The following LAMA2 variants were observed in gnomAD, a reference collection of about 807,000 sequenced individuals.
LAMA2 encodes laminin subunit alpha-2.
In LAMA2, 269 loss-of-function variants were observed where a neutral mutation model predicts 364.8. The observed-to-expected ratio is 0.74, with a 90% CI of 0.67 to 0.82. LAMA2 has a LOEUF of 0.82. Ranked by LOEUF, LAMA2 falls within the 40% of genes least tolerant of loss-of-function variation. The pLI is 0.00. For missense variants in LAMA2, 3,807 were observed against 3,873.2 expected (o/e 0.98, Z 0.45); for synonymous variants, 1,379 against 1,370.6 (o/e 1.01, Z -0.14).
At chr6:129,435,607 T>C (rs1781794667) in intron 41 of LAMA2, among the ~76,000 whole-genome samples, 1 of 152,160 alleles carries the variant, frequency 6.6e-6, no homozygotes, top group South Asian at 2.1e-4. Flanking sequence ...ATTTTATGCT[T>C]TGTTTTTCAG....
chr6:129,317,208 C>T (rs1583480373), intron 27 of LAMA2, among the ~76,000 whole-genome samples: 1 of 152,082 alleles, frequency 6.6e-6, no homozygotes, highest in East Asian at 1.9e-4. Flanking sequence ...GAAAGTTGAA[C>T]TGAGTTCATA....
At chr6:129,454,352 A>G (rs1190893897) in intron 47 of LAMA2, 64 bp downstream of exon 47, 4 of 1,309,802 alleles carry the variant, frequency 3.1e-6, no homozygotes, top group Non-Finnish European at 4.4e-6. Flanking sequence ...TTCCCAGTTT[A>G]TAAGAAAACT....
At chr6:129,294,410 G>C (rs75706344) in intron 20 of LAMA2, among the ~76,000 whole-genome samples, 11 of 152,172 alleles carry the variant, frequency 7.2e-5, no homozygotes, top group Non-Finnish European at 1.2e-4. Context: ...CAAGATCCAG[G>C]TGCTGGCAGA....
chr6:128,985,632 C>T (rs1415779989), intron 1 of LAMA2, among the ~76,000 whole-genome samples: 1 of 152,058 alleles, frequency 6.6e-6, no homozygotes, highest in Middle Eastern at 3.4e-3. Flanking sequence ...TATAAGGAAC[C>T]CTCAAGTACA....
intron 32 of LAMA2, among the ~76,000 whole-genome samples, chr6:129,362,641 C>T (rs977695629): frequency 1.3e-5 from 2 of 152,112 alleles, no homozygotes; most frequent in African/African-American, 2.4e-5. Context: ...GTTTAAGGTC[C>T]CTTCTTTAAC....
intron 17 of LAMA2, among the ~76,000 whole-genome samples, chr6:129,278,319 A>G (rs1788469699): frequency 6.6e-6 from 1 of 152,224 alleles, no homozygotes; most frequent in Non-Finnish European, 1.5e-5. Flanking sequence ...TTTTCTTTCA[A>G]TCAGTGTAGT....
chr6:129,431,090 A>G (rs924793236), intron 41 of LAMA2, among the ~76,000 whole-genome samples: 1 of 152,112 alleles, frequency 6.6e-6, no homozygotes, highest in Admixed American at 6.6e-5. Context: ...TTATTTAATT[A>G]CTTAGAAAAA....
intron 1 of LAMA2, among the ~76,000 whole-genome samples, chr6:128,915,837 A>G (rs1778279873): frequency 2.0e-5 from 3 of 152,172 alleles, no homozygotes; most frequent in African/African-American, 4.8e-5. Context: ...GTATATTTGT[A>G]GTGAAAACAA....
chr6:129,110,284 A>G (rs1233612183), intron 4 of LAMA2, among the ~76,000 whole-genome samples: 1 of 152,082 alleles, frequency 6.6e-6, no homozygotes, highest in African/African-American at 2.4e-5. Flanking sequence ...GAAAAGAACT[A>G]TTAAATGAAC....
At chr6:129,209,991 G>T (rs1050007510) in intron 12 of LAMA2, among the ~76,000 whole-genome samples, 1 of 95,088 alleles carries the variant, frequency 1.1e-5, no homozygotes, top group Non-Finnish European at 2.0e-5. Context: ...GCGACAGAGC[G>T]AGACTCCATC....
intron 12 of LAMA2, among the ~76,000 whole-genome samples, chr6:129,236,580 T>TTTA (rs1314534710): frequency 2.0e-5 from 3 of 152,170 alleles, no homozygotes; most frequent in Admixed American, 6.5e-5. Flanking sequence ...GGCTGATATT[T>TTTA]TTATGAGTCA....
chr6:129,086,916 G>A (rs548322830), intron 3 of LAMA2, among the ~76,000 whole-genome samples: 2 of 152,216 alleles, frequency 1.3e-5, no homozygotes, highest in African/African-American at 4.8e-5. Flanking sequence ...GTTTCTACAG[G>A]CTACCTGCAT....
intron 18 of LAMA2, among the ~76,000 whole-genome samples, chr6:129,283,193 A>G (rs1316439968): frequency 2.0e-5 from 3 of 152,118 alleles, no homozygotes; most frequent in Non-Finnish European, 2.9e-5. Flanking sequence ...CTTTGCTAAG[A>G]TTCTAGACTT....
intron 4 of LAMA2, among the ~76,000 whole-genome samples, chr6:129,139,574 C>G (rs772842445): frequency 6.6e-6 from 1 of 152,100 alleles, no homozygotes; most frequent in Non-Finnish European, 1.5e-5. Context: ...TTGATATCCA[C>G]AGGAGGTCCT....
intron 14 of LAMA2, among the ~76,000 whole-genome samples, chr6:129,258,535 TA>T (rs1054502512): frequency 6.6e-5 from 10 of 151,512 alleles, no homozygotes; most frequent in African/African-American, 2.2e-4. Flanking sequence ...AATGACTGCC[TA>T]ATGGATTCTG....
At chr6:129,498,342 T>TAA (rs1239104638) in intron 58 of LAMA2, among the ~76,000 whole-genome samples, 1 of 152,210 alleles carries the variant, frequency 6.6e-6, no homozygotes, top group Admixed American at 6.5e-5. Flanking sequence ...GCTACACCTT[T>TAA]AAGACCTAAG....
At chr6:129,309,944 G>A (rs2114486321) in intron 22 of LAMA2, among the ~76,000 whole-genome samples, 1 of 140,690 alleles carries the variant, frequency 7.1e-6, no homozygotes, top group Admixed American at 7.7e-5. Flanking sequence ...CTGTCACCCA[G>A]GCTGGAGTGC....
At chr6:129,012,481 G>A (rs1418425494) in intron 1 of LAMA2, among the ~76,000 whole-genome samples, 2 of 152,212 alleles carry the variant, frequency 1.3e-5, no homozygotes, top group Non-Finnish European at 1.5e-5. Flanking sequence ...TGTGGATAAA[G>A]TATACATTTA....
At chr6:129,326,330 G>C (rs993908096) in intron 28 of LAMA2, among the ~76,000 whole-genome samples, 4 of 152,086 alleles carry the variant, frequency 2.6e-5, no homozygotes, top group South Asian at 2.1e-4. Context: ...CACTATGGGC[G>C]CTTGTCTATT....
Sources: gnomAD v4.1 joint callset for allele counts (sites outside exome capture counted in the v4.1 genomes callset) on GRCh38, gnomAD v4.1.1 for gene constraint, MANE v1.5 for transcripts, NCBI Gene and HGNC (gene_info 2026-07-23, HGNC 2026-07-21) for gene names.